NAV2: variants seen among roughly 807,000 people sequenced by gnomAD.
The protein encoded by NAV2 is helicase, APC down-regulated 1.
NAV2 carries 54 observed loss-of-function variants against 223.2 expected under a neutral mutation model. That is an observed-to-expected ratio of 0.24 (90% CI 0.19 to 0.30). The LOEUF is 0.30. Among genes scored for constraint, NAV2 ranks in the 10% least tolerant of loss-of-function variants. The pLI is 1.00. For missense variants in NAV2, 2,806 were observed against 3,147.5 expected, an observed-to-expected ratio of 0.89 and a Z score of 2.60; for synonymous variants, 1,279 against 1,239.3, an observed-to-expected ratio of 1.03 and a Z score of -0.67.
At chr11:19,440,172 G>A (rs1156736270) in intron 1 of NAV2, among the ~76,000 whole-genome samples, 2 of 152,194 alleles carry the variant, frequency 1.3e-5, no homozygotes, top group African/African-American at 4.8e-5. Context: ...GATGGACGTG[G>A]TTGCTGTCTG....
intron 22 of NAV2, among the ~76,000 whole-genome samples, chr11:20,071,261 C>T (rs952250823): frequency 6.6e-6 from 1 of 152,090 alleles, no homozygotes; most frequent in East Asian, 1.9e-4. Flanking sequence ...TGGTTTCCAG[C>T]TTCATCCATG....
chr11:19,884,886 C>T (rs772093887), intron 5 of NAV2, among the ~76,000 whole-genome samples: 9 of 152,122 alleles, frequency 5.9e-5, no homozygotes, highest in Non-Finnish European at 1.0e-4. Flanking sequence ...GGAGACAAAA[C>T]AGCAAGGCAG....
At chr11:19,426,845 G>A (rs1488427413) in intron 1 of NAV2, among the ~76,000 whole-genome samples, 2 of 152,186 alleles carry the variant, frequency 1.3e-5, no homozygotes, top group Non-Finnish European at 2.9e-5. Context: ...GATTTATGCA[G>A]TGTGAAGAAT....
intron 1 of NAV2, among the ~76,000 whole-genome samples, chr11:19,526,231 C>T (rs768052956): frequency 2.0e-4 from 30 of 152,284 alleles, no homozygotes; most frequent in African/African-American, 6.7e-4. Context: ...ATGAGCAGAA[C>T]ATGACTTCAT....
intron 1 of NAV2, among the ~76,000 whole-genome samples, chr11:19,477,821 G>A (rs2042163568): frequency 6.6e-6 from 1 of 152,118 alleles, no homozygotes; most frequent in Admixed American, 6.6e-5. Context: ...GAGAGATTAG[G>A]GCATTGCCTG....
chr11:20,094,250 G>A (rs1374385225), intron 29 of NAV2, among the ~76,000 whole-genome samples: 5 of 111,934 alleles, frequency 4.5e-5, no homozygotes, highest in Non-Finnish European at 8.6e-5. Flanking sequence ...TTTTTTTGGA[G>A]GCAGAGTCTC....
intron 10 of NAV2, among the ~76,000 whole-genome samples, chr11:19,972,304 C>T (rs558477623): frequency 3.9e-5 from 6 of 152,282 alleles, no homozygotes; most frequent in Non-Finnish European, 5.9e-5. Flanking sequence ...GACATCTGGA[C>T]GAGTGACCAG....
At chr11:19,442,918 T>G (rs1238552934) in intron 1 of NAV2, among the ~76,000 whole-genome samples, 2 of 152,200 alleles carry the variant, frequency 1.3e-5, no homozygotes, top group Non-Finnish European at 2.9e-5. Flanking sequence ...CCTTCCACCA[T>G]CGGGAGAAAT....
At chr11:19,988,859 A>G (rs778835267) in intron 11 of NAV2, among the ~76,000 whole-genome samples, 24 of 151,642 alleles carry the variant, frequency 1.6e-4, no homozygotes, top group South Asian at 6.2e-4. Flanking sequence ...TTCATATGGA[A>G]CAAAGCAGGC....
intron 1 of NAV2, among the ~76,000 whole-genome samples, chr11:19,627,283 G>A (rs2135461582): frequency 6.6e-6 from 1 of 152,230 alleles, no homozygotes; most frequent in East Asian, 1.9e-4. Flanking sequence ...AGGTACTCAG[G>A]AGGCTGAGGC....
chr11:19,476,851 C>T (rs537479372), intron 1 of NAV2, among the ~76,000 whole-genome samples: 12 of 152,300 alleles, frequency 7.9e-5, no homozygotes, highest in East Asian at 5.8e-4. Flanking sequence ...ATGGTCCTCC[C>T]GGTACTTAGC....
At chr11:19,623,674 T>C (rs1045184719) in intron 1 of NAV2, among the ~76,000 whole-genome samples, 2 of 152,210 alleles carry the variant, frequency 1.3e-5, no homozygotes, top group Non-Finnish European at 2.9e-5. Context: ...GTCTAATCTT[T>C]TTTCAAGGTT....
At chr11:19,565,165 C>T (rs901182404) in intron 1 of NAV2, among the ~76,000 whole-genome samples, 1 of 152,090 alleles carries the variant, frequency 6.6e-6, no homozygotes, top group Admixed American at 6.6e-5. Flanking sequence ...ATAATGGCAC[C>T]GGCCGCCTAG....
chr11:19,528,086 T>C (rs1487788815), intron 1 of NAV2, among the ~76,000 whole-genome samples: 4 of 152,184 alleles, frequency 2.6e-5, no homozygotes, highest in Admixed American at 2.6e-4. Context: ...GTGTGGTACA[T>C]GGCAGGCATG....
chr11:19,644,446 T>C (rs2047760618), intron 1 of NAV2, among the ~76,000 whole-genome samples: 2 of 152,212 alleles, frequency 1.3e-5, no homozygotes, highest in South Asian at 2.1e-4. Context: ...AATTAATGCA[T>C]CTCATATAAC....
chr11:20,027,992 T>A (rs916766051), intron 11 of NAV2, among the ~76,000 whole-genome samples: 1 of 152,248 alleles, frequency 6.6e-6, no homozygotes, highest in African/African-American at 2.4e-5. Context: ...TCACATTAAT[T>A]CAGGACCATT....
At chr11:19,903,474 A>G (rs1295729297) in intron 6 of NAV2, among the ~76,000 whole-genome samples, 3 of 152,174 alleles carry the variant, frequency 2.0e-5, no homozygotes, top group African/African-American at 4.8e-5. Flanking sequence ...GATGGAAATC[A>G]ATGGCCTGGC....
chr11:19,944,937 CCT>C (rs2046759924), intron 8 of NAV2, among the ~76,000 whole-genome samples: 1 of 145,752 alleles, frequency 6.9e-6, no homozygotes, highest in Admixed American at 6.9e-5. Flanking sequence ...CTTTTCTTCC[CCT>C]TTCCCCTTTC....
In NAV2 at chr11:19,831,314, G is replaced by A. The variant is rs936829090; in HGVS notation, c.268-1170G>A. 4.0e-5 allele frequency among the ~76,000 whole-genome samples: 6 copies of A among 151,446 alleles called. No homozygotes were observed. The East Asian group carries it at 1.2e-3, about 30-fold the overall frequency. On this transcript the variant is annotated intron_variant, in intron 1 of 37. Coordinates refer to ENST00000349880, the MANE Select transcript of NAV2 (RefSeq NM_145117.5). ...GGCATTTGGAAGAACAGGATGGAGG[G>A]TGAGGATGAGACCATATGCTGCTCT...
Sources: allele counts gnomAD v4.1 joint callset (sites outside exome capture counted in the v4.1 genomes callset), GRCh38; gene constraint gnomAD v4.1.1; transcripts MANE v1.5; gene names NCBI Gene and HGNC (gene_info 2026-07-23, HGNC 2026-07-21).